Variants in MEOX1 observed in about 807,000 individuals in gnomAD.
MEOX1 encodes mesenchyme homeobox 1.
MEOX1 carries 17 observed loss-of-function variants against 23.2 expected under a neutral mutation model. The observed-to-expected ratio is 0.73, with a 90% CI of 0.50 to 1.10. MEOX1 has a LOEUF of 1.10. MEOX1 is among the 50% of genes least tolerant of loss of function. The pLI is 0.00. For missense variants in MEOX1, 333 were observed against 332.2 expected, an observed-to-expected ratio of 1.00 and a Z score of -0.02; for synonymous variants, 134 against 135.1, an observed-to-expected ratio of 0.99 and a Z score of 0.06.
intron 1 of MEOX1, among the ~76,000 whole-genome samples, chr17:43,650,151 G>A (rs534388604): frequency 6.6e-6 from 1 of 152,304 alleles, no homozygotes; most frequent in Non-Finnish European, 1.5e-5. Flanking sequence ...CAGTTGACAA[G>A]GGATTTCTTT....
chr17:43,652,658 C>T (rs1398478158), intron 1 of MEOX1, among the ~76,000 whole-genome samples: 1 of 152,010 alleles, frequency 6.6e-6, no homozygotes, highest in Admixed American at 6.6e-5. Flanking sequence ...CTTGTTAATT[C>T]GCTTGACCTT....
intron 1 of MEOX1, among the ~76,000 whole-genome samples, chr17:43,657,141 C>T: frequency 7.5e-6 from 1 of 133,348 alleles, no homozygotes; most frequent in African/African-American, 2.8e-5. Context: ...TTCCTTTCTT[C>T]CTTTCTCTCT....
chr17:43,643,536 C>A lies in MEOX1; in HGVS notation c.594G>T (p.Arg198=). 6.2e-7 allele frequency: 1 copy of A among 1,608,528 alleles called. No individual in the cohort carries two copies. Among genetic ancestry groups the A allele is most frequent in the Non-Finnish European group, 8.5e-7 (1 of 1,177,762 alleles). The change falls in exon 2 of 3, where the codon CGG becomes CGT. Residue 198 remains arginine, a synonymous_variant. Transcript: ENST00000318579. ...TTACCGCAATCTCATATCTGCGGAG[C>A]CGAGTCAGGTAGTTATGATGGGCAA... The part of the protein sequence containing the change: ...AEFAHHNYLT[R]LRRYEIAVNL...
intron 1 of MEOX1, among the ~76,000 whole-genome samples, chr17:43,647,837 C>A (rs1972839298): frequency 6.6e-6 from 1 of 152,214 alleles, no homozygotes; most frequent in Non-Finnish European, 1.5e-5. Flanking sequence ...GGGTTGGGAA[C>A]TGACGGTCTC....
At chr17:43,646,263 C>T (rs1972812224) in intron 1 of MEOX1, among the ~76,000 whole-genome samples, 1 of 152,086 alleles carries the variant, frequency 6.6e-6, no homozygotes, top group African/African-American at 2.4e-5. Flanking sequence ...GGGCCGGGGT[C>T]CCCGAGGAGC....
At chr17:43,660,391 G>T (rs1053682005) in intron 1 of MEOX1, among the ~76,000 whole-genome samples, 8 of 151,248 alleles carry the variant, frequency 5.3e-5, no homozygotes, top group African/African-American at 1.7e-4. Context: ...CTGCCTTCCT[G>T]GGGGGTCAGC....
At chr17:43,650,825 T>C (rs1446106450) in intron 1 of MEOX1, among the ~76,000 whole-genome samples, 2 of 152,182 alleles carry the variant, frequency 1.3e-5, no homozygotes, top group South Asian at 2.1e-4. Context: ...CGAGACTGGT[T>C]GGATGTTCAC....
intron 1 of MEOX1, among the ~76,000 whole-genome samples, chr17:43,651,951 C>T (rs1440311757): frequency 2.0e-5 from 3 of 151,516 alleles, no homozygotes; most frequent in Non-Finnish European, 4.4e-5. Context: ...CCAGAGTTTC[C>T]GACTATACCT....
intron 1 of MEOX1, among the ~76,000 whole-genome samples, chr17:43,651,287 C>G (rs780962804): frequency 7.2e-5 from 11 of 152,084 alleles, no homozygotes; most frequent in Non-Finnish European, 1.2e-4. Context: ...CCACTGCACT[C>G]CAGCCTGGGC....
intron 1 of MEOX1, among the ~76,000 whole-genome samples, chr17:43,650,134 CA>C (rs1441945941): frequency 3.3e-5 from 5 of 152,216 alleles, no homozygotes; most frequent in African/African-American, 1.2e-4. Flanking sequence ...ATTCAAATAG[CA>C]CTGTGCAGTT....
intron 1 of MEOX1, among the ~76,000 whole-genome samples, chr17:43,644,761 A>C (rs1972770918): frequency 6.6e-6 from 1 of 152,044 alleles, no homozygotes. Context: ...CTAAAAATAC[A>C]AAAAATTAGC....
intron 1 of MEOX1, among the ~76,000 whole-genome samples, chr17:43,654,749 A>T (rs1391053369): frequency 6.6e-6 from 1 of 152,064 alleles, no homozygotes; most frequent in African/African-American, 2.4e-5. Flanking sequence ...ATACACTCAA[A>T]AGAATTGAAA....
At position 43,661,592 on chromosome 17, in the gene MEOX1, G is replaced by T; in HGVS notation, c.-58C>A. The stretch of plus-strand genomic sequence containing the variant: ...AGATTTGATTCTTTATACTTTTTAT[G>T]TTCAAATTTTTAAAAATGCAAAAGA... On this transcript the variant is annotated 5_prime_UTR_variant, in exon 1 of 3. Coordinates refer to ENST00000318579, the MANE Select transcript of MEOX1 (RefSeq NM_004527.4). 2 of 993,206 alleles carry T rather than the reference G, an allele frequency of 2.0e-6. No individual in the cohort carries two copies. Among genetic ancestry groups the T allele is most frequent in the Non-Finnish European group, 1.3e-6 (1 of 760,496 alleles). The allele number at this position is 993,206 out of a possible 1,614,324, so 61.5% of individuals were successfully genotyped here.
chr17:43,660,077 C>T (rs569758909), intron 1 of MEOX1, among the ~76,000 whole-genome samples: 25 of 152,326 alleles, frequency 1.6e-4, no homozygotes, highest in Middle Eastern at 3.4e-3. Context: ...CCCCTGAGGG[C>T]GGCTGTCAGG....
At chr17:43,652,797 A>C (rs1364446261) in intron 1 of MEOX1, among the ~76,000 whole-genome samples, 1 of 136,148 alleles carries the variant, frequency 7.3e-6, no homozygotes, top group Non-Finnish European at 1.6e-5. Flanking sequence ...GGGGTTGTCC[A>C]TTTATTTCAT....
intron 1 of MEOX1, among the ~76,000 whole-genome samples, chr17:43,650,249 C>T (rs1480335176): frequency 6.6e-6 from 1 of 152,114 alleles, no homozygotes; most frequent in African/African-American, 2.4e-5. Flanking sequence ...TGATCAATGT[C>T]ACCTTTTCAT....
chr17:43,647,947 G>C (rs1242640834), intron 1 of MEOX1, among the ~76,000 whole-genome samples: 1 of 152,238 alleles, frequency 6.6e-6, no homozygotes, highest in East Asian at 1.9e-4. Flanking sequence ...ACTTCCCAGA[G>C]TGGGATCAAC....
At position 43,661,556 on chromosome 17, in the gene MEOX1, G is replaced by A. The variant is rs768638668; in HGVS notation, c.-22C>T. 47 of 1,356,352 alleles carry A rather than the reference G, an allele frequency of 3.5e-5. No homozygotes were observed. Among genetic ancestry groups the A allele is most frequent in the South Asian group, 5.0e-5 (3 of 60,530 alleles). The allele number at this position is 1,356,352 out of a possible 1,614,324, so 84.0% of individuals were successfully genotyped here. On this transcript the variant is annotated 5_prime_UTR_variant, in exon 1 of 3. Coordinates refer to ENST00000318579, the MANE Select transcript of MEOX1 (RefSeq NM_004527.4). ...CCATCTGCTGTCCGCTGCACGCCTC[G>A]GTCCTTTCAAAGATTTGATTCTTTA...
chr17:43,658,474 T>TGGAGTG (rs1745957763), intron 1 of MEOX1, among the ~76,000 whole-genome samples: 3 of 139,544 alleles, frequency 2.1e-5, no homozygotes, highest in African/African-American at 7.9e-5. Flanking sequence ...GCCACTGCAC[T>TGGAGTG]CCAGCATGGG....
Sources: allele counts gnomAD v4.1 joint callset (sites outside exome capture counted in the v4.1 genomes callset), GRCh38; gene constraint gnomAD v4.1.1; transcripts MANE v1.5; gene names NCBI Gene and HGNC (gene_info 2026-07-23, HGNC 2026-07-21).